The following SFR1 variants were observed in gnomAD, a reference collection of about 807,000 sequenced individuals.
SFR1 encodes SWI5 dependent homologous recombination repair protein 1.
SFR1 carries 24 observed loss-of-function variants against 26.2 expected under a neutral mutation model. The observed-to-expected ratio is 0.92, with a 90% CI of 0.66 to 1.29. SFR1 has a LOEUF of 1.29. SFR1 is among the 50% of genes most tolerant of loss of function. The pLI is 0.00. For synonymous variants in SFR1, 77 were observed against 96.6 expected (o/e 0.80, Z 1.19); for missense variants, 276 against 270.2 (o/e 1.02, Z -0.15).
chr10:104,122,061 G>T (rs1019640801), upstream of SFR1: 49 of 1,203,846 alleles, frequency 4.1e-5, no homozygotes, highest in Admixed American at 1.4e-4. Context: ...TGAGTGAAGC[G>T]GCGCCTCGCG....
upstream of SFR1, chr10:104,121,922 G>A: frequency 2.0e-6 from 1 of 488,328 alleles, no homozygotes; most frequent in Non-Finnish European, 3.6e-6. Context: ...TCGGGCGCTG[G>A]GCGGGGAGAG....
At chr10:104,124,368 T>G (rs1440189446) in intron 3 of SFR1, among the ~76,000 whole-genome samples, 1 of 152,044 alleles carries the variant, frequency 6.6e-6, no homozygotes, top group African/African-American at 2.4e-5. Flanking sequence ...CTCTCTAGTT[T>G]CTAGCCCACA....
chr10:104,123,015 G>T lies in SFR1; in HGVS notation c.64G>T (p.Val22Leu). The T allele has an allele frequency of 3.7e-6, 6 of 1,613,834 alleles. No homozygotes were observed. The highest frequency in any genetic ancestry group is 5.1e-6 in the Non-Finnish European group (6 of 1,179,918). Residue 22 changes from valine (V) to leucine (L), a missense_variant, in exon 2 of 4, where the codon GTG becomes TTG. Transcript: ENST00000369727. ...FKMESPSDSA[V>L]VLPSTPQASA... is the part of the protein sequence containing the mutation. ...GATGGAAAGTCCGTCAGACTCAGCT[G>T]TGGTTTTACCTAGCACTCCTCAGGC...
At chr10:104,123,167 GGTT>G in intron 2 of SFR1, 81 bp downstream of exon 2, 1 of 1,123,402 alleles carries the variant, frequency 8.9e-7, no homozygotes, top group Non-Finnish European at 1.3e-6. Flanking sequence ...TTCTACGGAA[GGTT>G]GTTAATTAAC....
chr10:104,125,271 T>TTA (rs2087012734), intron 3 of SFR1, among the ~76,000 whole-genome samples: 1 of 152,214 alleles, frequency 6.6e-6, no homozygotes, highest in Admixed American at 6.5e-5. Flanking sequence ...ATTTAATGAT[T>TTA]TGATTTTTCC....
intron 3 of SFR1, 73 bp downstream of exon 3, chr10:104,124,197 GA>G: frequency 7.6e-7 from 1 of 1,323,680 alleles, no homozygotes; most frequent in East Asian, 2.7e-5. Flanking sequence ...TTCAAAAATA[GA>G]ATTTTTTTTT....
Position 104,122,212 on chromosome 10 carries a change from GA to G in SFR1, c.13+18del. On this transcript the variant is annotated intron_variant, in intron 1 of 3. Transcript: ENST00000369727. The stretch of plus-strand genomic sequence containing the variant: ...GCGGAGGGAGGTACCCTGCTGAGGG[GA>G]AGGGGGGATCCCTGACACCTGGGCT... 1 of 1,539,318 alleles carries G rather than the reference GA, an allele frequency of 6.5e-7. No individual in the cohort carries two copies. The highest frequency in any genetic ancestry group is 8.8e-7 in the Non-Finnish European group (1 of 1,141,204).
intron 1 of SFR1, 180 bp from the exon 2 acceptor site, chr10:104,122,785 C>G: frequency 1.3e-6 from 2 of 1,515,738 alleles, no homozygotes; most frequent in Non-Finnish European, 1.8e-6. Context: ...TTAGTGGTCC[C>G]TATGTGGGAA....
intron 3 of SFR1, 78 bp from the exon 4 acceptor site, chr10:104,125,435 T>C (rs2087014577): frequency 1.8e-6 from 2 of 1,139,082 alleles, no homozygotes; most frequent in Admixed American, 2.4e-5. Context: ...AACCTGCACA[T>C]CCACTAATTT....
upstream of SFR1, chr10:104,122,118 G>GC: frequency 6.5e-7 from 1 of 1,540,458 alleles, no homozygotes; most frequent in South Asian, 1.2e-5. Flanking sequence ...CTACCGCACG[G>GC]CCCCGCCCCT....
At chr10:104,123,310 G>T in intron 2 of SFR1, 1 of 486,310 alleles carries the variant, frequency 2.1e-6, no homozygotes. Flanking sequence ...GTTAGTTTCA[G>T]ATTAGGTTAT....
upstream of SFR1, among the ~76,000 whole-genome samples, chr10:104,121,060 C>G (rs1412224904): frequency 6.6e-6 from 1 of 151,740 alleles, no homozygotes; most frequent in Non-Finnish European, 1.5e-5. Flanking sequence ...ATGTAGCTAA[C>G]TTTGTCGTCG....
intron 3 of SFR1, among the ~76,000 whole-genome samples, chr10:104,124,648 T>C (rs1359550909): frequency 6.6e-6 from 1 of 151,746 alleles, no homozygotes; most frequent in Non-Finnish European, 1.5e-5. Flanking sequence ...CTTTATTACC[T>C]GGAAAATTCA....
At chr10:104,122,223 C>A in intron 1 of SFR1, 27 bp downstream of exon 1, 2 of 1,532,380 alleles carry the variant, frequency 1.3e-6, no homozygotes, top group East Asian at 2.5e-5. Context: ...AAGGGGGGAT[C>A]CCTGACACCT....
At chr10:104,121,234 C>T (rs1185283074), upstream of SFR1, among the ~76,000 whole-genome samples, 1 of 152,070 alleles carries the variant, frequency 6.6e-6, no homozygotes, top group African/African-American at 2.4e-5. Context: ...CTGTGTTGCG[C>T]CACAACAAAT....
chr10:104,124,090 G>T lies in SFR1; in HGVS notation c.512G>T (p.Arg171Leu), dbSNP rs370187509. Reference protein sequence around the residue: ...KQVQEKEDLLRRLKLVKMYRS... With the variant: ...KQVQEKEDLLLRLKLVKMYRS... ...GTTCAGGAGAAAGAAGACCTTCTTC[G>T]GAGGCTAAAACTAGTCAAAATGTAT... Residue 171 changes from arginine (R) to leucine (L), a missense_variant, in exon 3 of 4, where the codon CGG (arginine) becomes CTG (leucine). By Grantham distance (102) the Arg-to-Leu change is moderately radical. Transcript: ENST00000369727. The T allele has an allele frequency of 5.0e-6, 8 of 1,612,496 alleles. No homozygotes were observed. The highest frequency in any genetic ancestry group is 6.8e-6 in the Non-Finnish European group (8 of 1,179,518).
chr10:104,121,931 A>T, upstream of SFR1: 1 of 379,500 alleles, frequency 2.6e-6, no homozygotes. Context: ...GGGCGGGGAG[A>T]GCCGCGCGCA....
At chr10:104,122,734 G>C in intron 1 of SFR1, 1 of 1,430,172 alleles carries the variant, frequency 7.0e-7, no homozygotes, top group Non-Finnish European at 9.1e-7. Flanking sequence ...GGAGAGTCTT[G>C]TGACTATGAG....
Position 104,124,096 on chromosome 10 carries a change from T to C in SFR1, c.518T>C (p.Leu173Pro). 1 of 1,610,018 alleles carries C rather than the reference T, an allele frequency of 6.2e-7. No individual in the cohort carries two copies. The highest frequency in any genetic ancestry group is 8.5e-7 in the Non-Finnish European group (1 of 1,178,778). ...VQEKEDLLRR[L>P]KLVKMYRSKN... ...GAGAAAGAAGACCTTCTTCGGAGGC[T>C]AAAACTAGTCAAAATGTATAGATCA... The change falls in exon 3 of 4, where the codon CTA (leucine) becomes CCA (proline). Residue 173 changes from leucine (L) to proline (P), a missense_variant. Transcript: ENST00000369727.
Sources: allele counts gnomAD v4.1 joint callset (sites outside exome capture counted in the v4.1 genomes callset), GRCh38; gene constraint gnomAD v4.1.1; transcripts MANE v1.5; gene names NCBI Gene and HGNC (gene_info 2026-07-23, HGNC 2026-07-21).